The following TRAK2 variants were observed in gnomAD, a reference collection of about 807,000 sequenced individuals.
TRAK2 encodes the protein trafficking kinesin protein 2, also known as trafficking kinesin-binding protein 2.
A neutral mutation model predicts 104.6 loss-of-function variants in TRAK2; 81 were observed. That is an observed-to-expected ratio of 0.77 (90% confidence interval 0.65 to 0.93). The LOEUF is 0.93. TRAK2 is among the 40% of genes least tolerant of loss of function. The pLI, the probability that TRAK2 is intolerant of heterozygous loss-of-function variation, is 0.00. For missense variants in TRAK2, 1,002 were observed against 1,089.0 expected (o/e 0.92, Z 1.12); for synonymous variants, 406 against 394.4 (o/e 1.03, Z -0.35).
At chr2:201,400,472 G>A (rs891267090) in intron 4 of TRAK2, among the ~76,000 whole-genome samples, 7 of 152,002 alleles carry the variant, frequency 4.6e-5, no homozygotes, top group Non-Finnish European at 7.4e-5. Context: ...GAGCTGGGGG[G>A]AGAGGGGAGA....
chr2:201,449,764 G>T (rs895691163), intron 1 of TRAK2, among the ~76,000 whole-genome samples: 1 of 151,852 alleles, frequency 6.6e-6, no homozygotes, highest in Non-Finnish European at 1.5e-5. Flanking sequence ...TTCTGCCTTA[G>T]CCTCCGAGTA....
intron 3 of TRAK2, among the ~76,000 whole-genome samples, chr2:201,401,672 C>G (rs1951552045): frequency 6.6e-6 from 1 of 152,048 alleles, no homozygotes; most frequent in Non-Finnish European, 1.5e-5. Context: ...AAATCTTTCT[C>G]CCATCTAGGT....
At chr2:201,434,027 G>A (rs1168930805) in intron 1 of TRAK2, among the ~76,000 whole-genome samples, 4 of 151,820 alleles carry the variant, frequency 2.6e-5, no homozygotes, top group Non-Finnish European at 4.4e-5. Context: ...GCGCTATCTC[G>A]GCTCACTGCA....
chr2:201,387,613 T>C, intron 13 of TRAK2, 90 bp downstream of exon 13: 1 of 1,312,024 alleles, frequency 7.6e-7, no homozygotes, highest in Non-Finnish European at 1.1e-6. Context: ...GCACATAATG[T>C]TCCTATAATT....
At chr2:201,405,844 T>G (rs1951590103) in intron 3 of TRAK2, among the ~76,000 whole-genome samples, 1 of 151,928 alleles carries the variant, frequency 6.6e-6, no homozygotes, top group African/African-American at 2.4e-5. Context: ...TTAGCCAGCA[T>G]AGTGGCGCCC....
intron 12 of TRAK2, among the ~76,000 whole-genome samples, chr2:201,389,071 G>A (rs1951418836): frequency 6.6e-6 from 1 of 152,192 alleles, no homozygotes; most frequent in South Asian, 2.1e-4. Flanking sequence ...CACGGATTAT[G>A]AGAAGGTGTC....
intron 1 of TRAK2, 102 bp from the exon 2 acceptor site, chr2:201,420,808 C>T: frequency 4.0e-6 from 1 of 252,198 alleles, no homozygotes; most frequent in Non-Finnish European, 7.7e-6. Context: ...TCTAATGATT[C>T]ATACAACATG....
intron 10 of TRAK2, 141 bp from the exon 11 acceptor site, chr2:201,390,021 A>G: frequency 1.7e-6 from 1 of 594,126 alleles, no homozygotes. Flanking sequence ...GACATTCTGG[A>G]AATATAACTT....
intron 1 of TRAK2, among the ~76,000 whole-genome samples, chr2:201,423,037 C>CACACA (rs1553623442): frequency 5.2e-5 from 7 of 134,226 alleles, no homozygotes; most frequent in African/African-American, 1.4e-4. Context: ...AACACCACCA[C>CACACA]CACACACACA....
At chr2:201,416,311 T>C (rs1951691621) in intron 2 of TRAK2, among the ~76,000 whole-genome samples, 1 of 149,696 alleles carries the variant, frequency 6.7e-6, no homozygotes, top group South Asian at 2.1e-4. Context: ...GAGGCTGAGA[T>C]GGGAGGATCA....
Position 201,389,497 on chromosome 2 carries a change from T to C in TRAK2, c.1200A>G (p.Gln400=), listed in dbSNP as rs766179526. Residue 400 remains glutamine, a synonymous_variant, in exon 12 of 16, where the codon CAA becomes CAG. Coordinates refer to ENST00000332624, the MANE Select transcript of TRAK2 (RefSeq NM_015049.3). Reference sequence around the variant, plus strand: ...TGACGGTATCAAATACCCGCTTCTGTTGGGCTCTGTCAAAAAAGGAAGTGT... The same window carrying C: ...TGACGGTATCAAATACCCGCTTCTGCTGGGCTCTGTCAAAAAAGGAAGTGT... ...EESSLFKQKA[Q]QKRVFDTVRI... 6.2e-7 allele frequency: 1 copy of C among 1,613,798 alleles called. No homozygotes were observed. Among genetic ancestry groups the C allele is most frequent in the Non-Finnish European group, 8.5e-7 (1 of 1,180,028 alleles).
At position 201,380,613 on chromosome 2, in the gene TRAK2, A is replaced by C. The variant is rs184702303; in HGVS notation, c.2675T>G (p.Val892Gly). Residue 892 changes from valine (V) to glycine (G), a missense_variant, in exon 16 of 16, where the codon GTC becomes GGC. Transcript: ENST00000332624. Reference protein sequence around the residue: ...GGLRRNQSLPVIMGSFAAPVC... With the variant: ...GGLRRNQSLPGIMGSFAAPVC... ...TGGGGCAGCAAAGCTACCCATTATG[A>C]CTGGAAGACTCTGATTCCTCCTTAG... The C allele has an allele frequency of 1.6e-4, 252 of 1,613,994 alleles. No homozygotes were observed. The highest frequency in any genetic ancestry group is 7.2e-4 in the Admixed American group (43 of 59,974).
intron 1 of TRAK2, among the ~76,000 whole-genome samples, chr2:201,427,921 T>A (rs1020236207): frequency 1.0e-4 from 16 of 152,386 alleles, no homozygotes; most frequent in African/African-American, 3.6e-4. Flanking sequence ...TGGCCAGTGA[T>A]GATGAACATT....
At position 201,423,040 on chromosome 2, in the gene TRAK2, CACACA is replaced by C. The variant is rs1454765767; in HGVS notation, c.-199-2339_-199-2335del. On this transcript the variant is annotated intron_variant, in intron 1 of 15. Transcript: ENST00000332624. ...AATAACAACAGCAACACCACCACCA[CACACA>C]CACACACACACACACACACACACAC... Among the ~76,000 whole-genome samples, 175 of 83,154 alleles carry C rather than the reference CACACA, an allele frequency of 2.1e-3. 2 individuals carry two copies. The highest frequency in any genetic ancestry group is 8.8e-3 in the African/African-American group (165 of 18,786). The allele number at this position is 83,154 out of a possible 152,430, so 54.6% of individuals were successfully genotyped here.
intron 2 of TRAK2, among the ~76,000 whole-genome samples, chr2:201,414,573 G>A (rs1951675960): frequency 6.6e-6 from 1 of 152,200 alleles, no homozygotes; most frequent in Admixed American, 6.5e-5. Context: ...AGAAGGAGAA[G>A]CAGTGGCTTG....
intron 15 of TRAK2, among the ~76,000 whole-genome samples, chr2:201,381,677 T>C (rs564582938): frequency 1.4e-3 from 212 of 152,290 alleles, no homozygotes; most frequent in Non-Finnish European, 2.6e-3. Context: ...TTACCAACTT[T>C]TAAAAAAATA....
Position 201,389,839 on chromosome 2 carries a change from C to T in TRAK2, c.1155G>A (p.Lys385=). ...GAGAAGATTCCTCATCCAAACTCAG[C>T]TTTTTACGCATAGTCCCCTCAATCT... ...AAEIEGTMRK[K]LSLDEESSLF... Residue 385 remains lysine, a synonymous_variant, in exon 11 of 16, where the codon AAG becomes AAA. Transcript: ENST00000332624. 6.2e-7 allele frequency: 1 copy of T among 1,613,856 alleles called. No individual in the cohort carries two copies. The highest frequency in any genetic ancestry group is 1.1e-5 in the South Asian group (1 of 91,000).
rs1951297112 is a variant in TRAK2, at chr2:201,377,289, G to A, written c.*3254C>T. The A allele has an allele frequency of 6.6e-6, 1 of 152,210 alleles. No homozygotes were observed. The highest frequency in any genetic ancestry group is 2.4e-5 in the African/African-American group (1 of 41,452). The allele number at this position is 152,210 out of a possible 1,614,324, so 9.4% of individuals were successfully genotyped here. A position where few individuals can be genotyped will look rare whatever the true frequency, so the allele number is the denominator to read the frequency against. On this transcript the variant is annotated 3_prime_UTR_variant, in exon 16 of 16. Coordinates refer to ENST00000332624, the MANE Select transcript of TRAK2 (RefSeq NM_015049.3). ...GGGGCACAAAGAGCTGTTTGACAAA[G>A]TCAAATCCCAGGTATCGAACAATAG...
At chr2:201,388,147 A>G in intron 12 of TRAK2, 146 bp from the exon 13 acceptor site, 1 of 825,598 alleles carries the variant, frequency 1.2e-6, no homozygotes, top group Non-Finnish European at 2.0e-6. Context: ...AGTAATAACA[A>G]CAAACCAAAA....
Sources: allele counts gnomAD v4.1 joint callset (sites outside exome capture counted in the v4.1 genomes callset), GRCh38; gene constraint gnomAD v4.1.1; transcripts MANE v1.5; gene names NCBI Gene and HGNC (gene_info 2026-07-23, HGNC 2026-07-21).